The following LUZP2 variants were observed in gnomAD, a reference collection of about 807,000 sequenced individuals.
LUZP2 encodes leucine zipper protein 2.
Under a neutral mutation model 51.6 loss-of-function variants are expected in LUZP2, and 52 were observed. That is an observed-to-expected ratio of 1.01 (90% CI 0.81 to 1.27). The LOEUF is 1.27. Ranked by LOEUF, LUZP2 falls within the 50% of genes most tolerant of loss-of-function variation. The pLI is 0.00. For synonymous variants in LUZP2, 154 were observed against 137.3 expected (o/e 1.12, Z -0.85); for missense variants, 436 against 395.4 (o/e 1.10, Z -0.87).
At chr11:24,655,049 G>A (rs1855760329) in intron 1 of LUZP2, among the ~76,000 whole-genome samples, 1 of 152,088 alleles carries the variant, frequency 6.6e-6, no homozygotes, top group Admixed American at 6.5e-5. Flanking sequence ...AGCATAGTAT[G>A]TTGCAGAAAA....
At chr11:24,932,762 C>G (rs927527011) in intron 7 of LUZP2, among the ~76,000 whole-genome samples, 1 of 152,188 alleles carries the variant, frequency 6.6e-6, no homozygotes, top group Non-Finnish European at 1.5e-5. Flanking sequence ...TCAGGTTTCA[C>G]GCCTCCCTGC....
At chr11:24,546,376 G>A (rs2133733870) in intron 1 of LUZP2, among the ~76,000 whole-genome samples, 1 of 152,156 alleles carries the variant, frequency 6.6e-6, no homozygotes, top group Admixed American at 6.6e-5. Context: ...CAAGGGAAAT[G>A]CTTCCAGCTC....
chr11:24,898,823 G>T (rs1853173831), intron 5 of LUZP2, among the ~76,000 whole-genome samples: 1 of 152,108 alleles, frequency 6.6e-6, no homozygotes, highest in Non-Finnish European at 1.5e-5. Context: ...CCTGGAAATG[G>T]ACTGGAAAGA....
At chr11:24,913,044 T>G (rs1853687238) in intron 6 of LUZP2, among the ~76,000 whole-genome samples, 1 of 152,194 alleles carries the variant, frequency 6.6e-6, no homozygotes, top group African/African-American at 2.4e-5. Context: ...AAATTTAATT[T>G]CATTGAGATA....
intron 9 of LUZP2, among the ~76,000 whole-genome samples, chr11:25,030,317 A>G (rs914425596): frequency 2.6e-5 from 4 of 152,278 alleles, no homozygotes; most frequent in Admixed American, 6.5e-5. Flanking sequence ...ATGAGATAAT[A>G]CTGTAATTTA....
chr11:24,812,089 C>T (rs1013558660), intron 5 of LUZP2, among the ~76,000 whole-genome samples: 7 of 152,122 alleles, frequency 4.6e-5, no homozygotes, highest in African/African-American at 1.7e-4. Flanking sequence ...AGTTTCTCAC[C>T]TGGATATAAA....
chr11:24,826,883 C>A (rs986430619), intron 5 of LUZP2, among the ~76,000 whole-genome samples: 17 of 151,442 alleles, frequency 1.1e-4, no homozygotes, highest in African/African-American at 4.1e-4. Flanking sequence ...TATTCTCAGT[C>A]CTAGACCACC....
chr11:24,586,100 G>A (rs970721258), intron 1 of LUZP2, among the ~76,000 whole-genome samples: 1 of 151,962 alleles, frequency 6.6e-6, no homozygotes, highest in African/African-American at 2.4e-5. Flanking sequence ...GTAAAAGAGA[G>A]GCCAAACCAC....
At chr11:24,897,483 C>T (rs1565074568) in intron 5 of LUZP2, among the ~76,000 whole-genome samples, 1 of 152,070 alleles carries the variant, frequency 6.6e-6, no homozygotes, top group East Asian at 1.9e-4. Context: ...GAATGAACAA[C>T]TCTGGACGGG....
chr11:24,511,128 A>G (rs1323476810), intron 1 of LUZP2, among the ~76,000 whole-genome samples: 6 of 152,188 alleles, frequency 3.9e-5, no homozygotes, highest in Non-Finnish European at 2.9e-5. Context: ...AAGCTCTGTC[A>G]TACTGTCTGT....
chr11:25,018,261 T>C (rs1056220349), intron 9 of LUZP2, among the ~76,000 whole-genome samples: 7 of 152,122 alleles, frequency 4.6e-5, no homozygotes, highest in African/African-American at 1.7e-4. Flanking sequence ...AACAGAGAGT[T>C]TGACTTCCTC....
At chr11:24,864,611 T>C (rs1851833745) in intron 5 of LUZP2, among the ~76,000 whole-genome samples, 1 of 152,202 alleles carries the variant, frequency 6.6e-6, no homozygotes, top group Non-Finnish European at 1.5e-5. Context: ...AGTTGTTTGG[T>C]CAGATACATT....
rs7941713 is a variant in LUZP2, at chr11:24,895,359, T to A, written c.397-10632T>A. Among the ~76,000 whole-genome samples the A allele has an allele frequency of 8.1e-3, 1,228 of 152,268 alleles. 14 individuals are homozygous for A. Among genetic ancestry groups the A allele is most frequent in the African/African-American group, 0.026 (1,088 of 41,560 alleles). On this transcript the variant is annotated intron_variant, in intron 5 of 11. Transcript: ENST00000336930. ...AGAAAAACAAACAGAACTTTTTTTTTAATTTATCCTTTTTTTCATCTTTTA... is the reference window on the plus strand; with the variant it reads ...AGAAAAACAAACAGAACTTTTTTTTAAATTTATCCTTTTTTTCATCTTTTA...
intron 5 of LUZP2, among the ~76,000 whole-genome samples, chr11:24,818,900 A>G (rs148810340): frequency 0.01 from 1,552 of 152,174 alleles, 27 homozygotes; most frequent in African/African-American, 0.035. Flanking sequence ...ACCAAAAGCC[A>G]TATCTGTTCT....
intron 9 of LUZP2, among the ~76,000 whole-genome samples, chr11:25,021,046 A>C (rs1446187): frequency 6.6e-6 from 1 of 151,842 alleles, no homozygotes; most frequent in African/African-American, 2.4e-5. Flanking sequence ...TATATGTAAG[A>C]TGATAAACCC....
chr11:24,720,384 A>C (rs1858219474), intron 1 of LUZP2, among the ~76,000 whole-genome samples: 1 of 152,224 alleles, frequency 6.6e-6, no homozygotes, highest in African/African-American at 2.4e-5. Flanking sequence ...AATATTAGGA[A>C]ACTGAATCTA....
chr11:24,747,692 C>T (rs1859429886), intron 4 of LUZP2, among the ~76,000 whole-genome samples: 1 of 152,086 alleles, frequency 6.6e-6, no homozygotes, highest in East Asian at 1.9e-4. Flanking sequence ...CAGGGCTAGG[C>T]ATGTCTGAGC....
intron 10 of LUZP2, among the ~76,000 whole-genome samples, chr11:25,070,994 A>G: frequency 6.6e-6 from 1 of 150,458 alleles, no homozygotes; most frequent in East Asian, 1.9e-4. Context: ...CCACAGATGA[A>G]AAACAGAGCC....
chr11:24,523,032 A>G (rs1014199421), intron 1 of LUZP2, among the ~76,000 whole-genome samples: 23 of 151,994 alleles, frequency 1.5e-4, no homozygotes, highest in African/African-American at 5.3e-4. Context: ...TGTTGTTTCA[A>G]TGATTATTTT....
Sources: allele counts gnomAD v4.1 joint callset (sites outside exome capture counted in the v4.1 genomes callset), GRCh38; gene constraint gnomAD v4.1.1; transcripts MANE v1.5; gene names NCBI Gene and HGNC (gene_info 2026-07-23, HGNC 2026-07-21).